SPRED2: variants seen among roughly 807,000 people sequenced by gnomAD.
The protein encoded by SPRED2 is sprouty related EVH1 domain containing 2.
A neutral mutation model predicts 43.0 loss-of-function variants in SPRED2; 47 were observed. The observed-to-expected ratio is 1.09, with a 90% confidence interval of 0.87 to 1.40. SPRED2 has a LOEUF of 1.40. Ranked by LOEUF, SPRED2 falls within the 40% of genes most tolerant of loss-of-function variation. The probability of loss-of-function intolerance (pLI) is 0.00; values close to 1 mark genes in which losing one functional copy is unlikely to be tolerated. For missense variants in SPRED2, 561 were observed against 586.4 expected (o/e 0.96, Z 0.45); for synonymous variants, 225 against 225.7 (o/e 1.00, Z 0.03).
chr2:65,405,940 C>T (rs1478710213), intron 1 of SPRED2, among the ~76,000 whole-genome samples: 1 of 152,146 alleles, frequency 6.6e-6, no homozygotes, highest in African/African-American at 2.4e-5. Context: ...TCCAAGCTGA[C>T]CCTCTTGCAA....
intron 4 of SPRED2, among the ~76,000 whole-genome samples, chr2:65,323,492 G>A (rs1456189336): frequency 6.6e-6 from 1 of 151,758 alleles, no homozygotes; most frequent in Non-Finnish European, 1.5e-5. Flanking sequence ...AGAGGGTACA[G>A]AAATGAAAGT....
chr2:65,334,228 A>T (rs1428469033), intron 3 of SPRED2: 7 of 473,056 alleles, frequency 1.5e-5, no homozygotes, highest in Non-Finnish European at 2.6e-5. Flanking sequence ...TGGGTAGGCC[A>T]GGAGCCTTCT....
At chr2:65,334,243 C>T (rs1394462773) in intron 3 of SPRED2, 2 of 474,168 alleles carry the variant, frequency 4.2e-6, no homozygotes, top group Admixed American at 4.7e-5. Context: ...CCTTCTGGGC[C>T]CGCCAGAATC....
intron 1 of SPRED2, among the ~76,000 whole-genome samples, chr2:65,420,363 G>A (rs968894786): frequency 3.3e-5 from 5 of 152,152 alleles, no homozygotes; most frequent in Admixed American, 2.6e-4. Context: ...ACCCCTTTTG[G>A]GGGGAAACAA....
chr2:65,358,945 G>A (rs962165542), intron 1 of SPRED2, among the ~76,000 whole-genome samples: 1 of 152,216 alleles, frequency 6.6e-6, no homozygotes, highest in Non-Finnish European at 1.5e-5. Context: ...AGGTAAGGAG[G>A]AGGAATTCTT....
chr2:65,375,617 A>G (rs573553456), intron 1 of SPRED2, among the ~76,000 whole-genome samples: 2 of 152,348 alleles, frequency 1.3e-5, no homozygotes, highest in Admixed American at 6.5e-5. Flanking sequence ...GGCTCTACCT[A>G]TTTTGTAGGT....
intron 1 of SPRED2, among the ~76,000 whole-genome samples, chr2:65,404,260 T>A (rs1269413250): frequency 1.3e-5 from 2 of 152,012 alleles, no homozygotes; most frequent in African/African-American, 2.4e-5. Flanking sequence ...AGTAATGTTC[T>A]CCTTAATTGT....
chr2:65,391,195 T>TACACACACACACAC (rs70943648), intron 1 of SPRED2, among the ~76,000 whole-genome samples: 1,587 of 145,610 alleles, frequency 0.011, 13 homozygotes, highest in Non-Finnish European at 0.011. Flanking sequence ...CCTTAATGTG[T>TACACACACACACAC]ACACACACAC....
At chr2:65,390,147 C>G (rs751187985) in intron 1 of SPRED2, among the ~76,000 whole-genome samples, 19 of 152,192 alleles carry the variant, frequency 1.2e-4, no homozygotes, top group Non-Finnish European at 2.4e-4. Flanking sequence ...GCCAAAATCA[C>G]CTTTCTGAGA....
At chr2:65,371,992 G>C (rs1414174697) in intron 1 of SPRED2, among the ~76,000 whole-genome samples, 1 of 152,138 alleles carries the variant, frequency 6.6e-6, no homozygotes, top group Non-Finnish European at 1.5e-5. Context: ...AGAATCGTTT[G>C]AGCCCGGGAA....
chr2:65,400,394 G>GA (rs1169416665), intron 1 of SPRED2, among the ~76,000 whole-genome samples: 1 of 152,110 alleles, frequency 6.6e-6, no homozygotes, highest in Non-Finnish European at 1.5e-5. Context: ...AATAGGGCCA[G>GA]AAAAAAACAA....
At chr2:65,347,003 T>C (rs535494362) in intron 1 of SPRED2, among the ~76,000 whole-genome samples, 29 of 152,306 alleles carry the variant, frequency 1.9e-4, no homozygotes, top group African/African-American at 6.7e-4. Context: ...CAACCAACTT[T>C]AGCCATTCAT....
chr2:65,320,400 T>C lies in SPRED2; in HGVS notation c.439-3517A>G, dbSNP rs566008529. Among the ~76,000 whole-genome samples the C allele has an allele frequency of 3.3e-5, 5 of 152,318 alleles. No individual in the cohort carries two copies. The East Asian group carries it at 9.6e-4, about 29-fold the overall frequency. ...AGGCACATCCGGCTTTTCCTAGGACTCATTAGTCGATCAGAAATGCTACCT... is the reference window on the plus strand; with the variant it reads ...AGGCACATCCGGCTTTTCCTAGGACCCATTAGTCGATCAGAAATGCTACCT... On this transcript the variant is annotated intron_variant, in intron 4 of 5. Transcript: ENST00000356388.
intron 1 of SPRED2, among the ~76,000 whole-genome samples, chr2:65,422,830 G>A (rs1179838207): frequency 2.6e-5 from 4 of 152,124 alleles, no homozygotes; most frequent in African/African-American, 7.2e-5. Flanking sequence ...TCAATGAGAA[G>A]GCAACCAATT....
chr2:65,423,500 G>C (rs913464358), intron 1 of SPRED2, among the ~76,000 whole-genome samples: 2 of 152,186 alleles, frequency 1.3e-5, no homozygotes, highest in African/African-American at 4.8e-5. Flanking sequence ...AAAAGAAACA[G>C]TCAGTCTTAG....
At chr2:65,424,161 G>C (rs958465093) in intron 1 of SPRED2, among the ~76,000 whole-genome samples, 11 of 152,188 alleles carry the variant, frequency 7.2e-5, no homozygotes, top group African/African-American at 2.7e-4. Context: ...AGGGCTGGTG[G>C]CTTGGGATAC....
chr2:65,408,152 C>A (rs1676068554), intron 1 of SPRED2, among the ~76,000 whole-genome samples: 2 of 152,170 alleles, frequency 1.3e-5, no homozygotes, highest in East Asian at 3.8e-4. Flanking sequence ...TCTGCCCAGA[C>A]CTTGGGTCCT....
At position 65,313,745 on chromosome 2, in the gene SPRED2, C is replaced by A; in HGVS notation, c.1013G>T (p.Arg338Leu). Reference protein sequence around the residue: ...DAPDSVRTCIRRVSCMWCADS... With the variant: ...DAPDSVRTCILRVSCMWCADS... Reference sequence around the variant, plus strand: ...CGCGCACCACATGCAGCTCACCCGGCGGATGCAAGTTCTCACGGAGTCGGG... The same window carrying A: ...CGCGCACCACATGCAGCTCACCCGGAGGATGCAAGTTCTCACGGAGTCGGG... Residue 338 changes from arginine to leucine, a missense_variant, in exon 6 of 6, where the codon CGC (arginine) becomes CTC (leucine). Physicochemically the swap from Arg to Leu is moderately radical, Grantham distance 102. This residue lies in a region of SPRED2 where 164 missense variants were observed against 164.1 expected (regional missense o/e 1.00). Transcript: ENST00000356388. The A allele has an allele frequency of 1.2e-6, 2 of 1,614,220 alleles. No homozygotes were observed. The highest frequency in any genetic ancestry group is 1.7e-6 in the Non-Finnish European group (2 of 1,180,040).
At chr2:65,399,161 T>C (rs1021386312) in intron 1 of SPRED2, among the ~76,000 whole-genome samples, 1 of 151,244 alleles carries the variant, frequency 6.6e-6, no homozygotes, top group African/African-American at 2.4e-5. Flanking sequence ...TCCCAGCTAC[T>C]TGGGAGGCTG....
Sources: gnomAD v4.1 joint callset for allele counts (sites outside exome capture counted in the v4.1 genomes callset) on GRCh38, gnomAD v4.1.1 for gene constraint, gnomAD v4.1.1 regional missense constraint, MANE v1.5 for transcripts, NCBI Gene and HGNC (gene_info 2026-07-23, HGNC 2026-07-21) for gene names.